The following GRM1 variants were observed in gnomAD, a reference collection of about 807,000 sequenced individuals.
GRM1 encodes glutamate metabotropic receptor 1.
Under a neutral mutation model 90.9 loss-of-function variants are expected in GRM1, and 33 were observed. The ratio of observed to expected loss-of-function variants is 0.36; its 90% CI spans 0.28 to 0.49. The LOEUF is 0.49. Ranked by LOEUF, GRM1 falls within the 20% of genes least tolerant of loss-of-function variation. The pLI is 0.99. For synonymous variants in GRM1, 700 were observed against 613.2 expected, an observed-to-expected ratio of 1.14 and a Z score of -2.09; for missense variants, 1,190 against 1,534.3, an observed-to-expected ratio of 0.78 and a Z score of 3.75.
chr6:146,104,496 TGAG>T (rs758218894), intron 1 of GRM1, among the ~76,000 whole-genome samples: 5 of 150,524 alleles, frequency 3.3e-5, no homozygotes, highest in Non-Finnish European at 7.4e-5. Flanking sequence ...ATGTGTAAAA[TGAG>T]GAGATAACGA....
At chr6:146,295,968 T>G (rs770768632) in intron 2 of GRM1, among the ~76,000 whole-genome samples, 5 of 152,188 alleles carry the variant, frequency 3.3e-5, no homozygotes, top group South Asian at 2.1e-4. Context: ...AGTGAGAACA[T>G]CCGGTATTTG....
chr6:146,357,790 G>T (rs558827511), intron 5 of GRM1, 96 bp downstream of exon 5: 1 of 995,284 alleles, frequency 1.0e-6, no homozygotes, highest in African/African-American at 1.6e-5. Flanking sequence ...AAACATAACT[G>T]TCTAGAAAGG....
intron 1 of GRM1, among the ~76,000 whole-genome samples, chr6:146,099,528 C>T (rs533941748): frequency 6.6e-6 from 1 of 152,308 alleles, no homozygotes; most frequent in Non-Finnish European, 1.5e-5. Flanking sequence ...CAGACTCATT[C>T]CTTTCCTCTA....
At chr6:146,388,901 T>C (rs1776607925) in intron 6 of GRM1, among the ~76,000 whole-genome samples, 1 of 152,098 alleles carries the variant, frequency 6.6e-6, no homozygotes, top group Non-Finnish European at 1.5e-5. Context: ...GTCAATGCAG[T>C]TGGTTAATAG....
intron 2 of GRM1, among the ~76,000 whole-genome samples, chr6:146,244,340 T>C (rs1381500264): frequency 6.6e-6 from 1 of 152,200 alleles, no homozygotes. Context: ...AAGTATTAAT[T>C]TGGGGAACTA....
intron 3 of GRM1, among the ~76,000 whole-genome samples, chr6:146,338,813 C>T (rs2268659): frequency 0.011 from 1,728 of 152,274 alleles, 71 homozygotes; most frequent in East Asian, 0.079. Context: ...GCCCCCTCCA[C>T]ACTCGGTATC....
chr6:146,401,794 A>C (rs1337673742), intron 7 of GRM1, among the ~76,000 whole-genome samples: 1 of 152,206 alleles, frequency 6.6e-6, no homozygotes, highest in Non-Finnish European at 1.5e-5. Flanking sequence ...TGCATTTTTG[A>C]AAGCTCTCCC....
intron 7 of GRM1, among the ~76,000 whole-genome samples, chr6:146,415,998 T>C (rs77081456): frequency 0.013 from 1,957 of 152,322 alleles, 48 homozygotes; most frequent in African/African-American, 0.045. Flanking sequence ...CTGACATTAG[T>C]ATAACTACTA....
chr6:146,029,282 C>G lies in GRM1; in HGVS notation c.-236C>G. The G allele has an allele frequency of 1.7e-6, 1 of 574,954 alleles. No homozygotes were observed. The highest frequency in any genetic ancestry group is 3.1e-6 in the Non-Finnish European group (1 of 321,486). 35.6% of individuals were successfully genotyped at this position (574,954 alleles called of 1,614,324 possible). A position where few individuals can be genotyped will look rare whatever the true frequency, so the allele number is the denominator to read the frequency against. On this transcript the variant is annotated 5_prime_UTR_variant, in exon 1 of 8. Coordinates refer to ENST00000282753, the MANE Select transcript of GRM1 (RefSeq NM_001278064.2). ...GCACTACCGGTGAAGAACGGGGACT[C>G]GAATTCCCTTACAAACGCCTCCAGC...
chr6:146,252,150 G>A (rs542363945), intron 2 of GRM1, among the ~76,000 whole-genome samples: 2 of 151,880 alleles, frequency 1.3e-5, no homozygotes, highest in East Asian at 1.9e-4. Flanking sequence ...TTTATTCACT[G>A]GTAAAGTGAA....
At position 146,264,164 on chromosome 6, in the gene GRM1, T is replaced by C. The variant is rs533099305; in HGVS notation, c.951-40447T>C. The stretch of plus-strand genomic sequence containing the variant: ...TTGCTGTATTTCTGAAATTCAGAGC[T>C]ACTATTAAAGAGAAAATACATTCAG... On this transcript the variant is annotated intron_variant, in intron 2 of 7. Coordinates refer to ENST00000282753, the MANE Select transcript of GRM1 (RefSeq NM_001278064.2). Among the ~76,000 whole-genome samples, 271 of 152,268 alleles carry C rather than the reference T, an allele frequency of 1.8e-3. 2 individuals carry two copies. The highest frequency in any genetic ancestry group is 6.0e-3 in the African/African-American group (248 of 41,578).
At chr6:146,146,571 A>T (rs1777115531) in intron 1 of GRM1, among the ~76,000 whole-genome samples, 1 of 152,138 alleles carries the variant, frequency 6.6e-6, no homozygotes, top group Non-Finnish European at 1.5e-5. Context: ...TTGTTTGAAC[A>T]TCCCCTCTGA....
At chr6:146,137,462 T>A (rs1161183622) in intron 1 of GRM1, among the ~76,000 whole-genome samples, 1 of 152,216 alleles carries the variant, frequency 6.6e-6, no homozygotes, top group African/African-American at 2.4e-5. Context: ...TTGTTAAAAA[T>A]AAGTTTATTG....
intron 3 of GRM1, among the ~76,000 whole-genome samples, chr6:146,339,512 A>T (rs1465537729): frequency 6.6e-6 from 1 of 152,198 alleles, no homozygotes; most frequent in Non-Finnish European, 1.5e-5. Flanking sequence ...ATCTTGAGTG[A>T]TAGCTTATAG....
intron 2 of GRM1, among the ~76,000 whole-genome samples, chr6:146,162,533 C>G (rs977261875): frequency 1.3e-5 from 2 of 152,158 alleles, no homozygotes; most frequent in Admixed American, 6.5e-5. Context: ...AGAATCGGAC[C>G]TCTTGGCCAT....
rs962757197 is a variant in GRM1 at position 146,437,324 on chromosome 6, A to C, written c.*2528A>C. On this transcript the variant is annotated 3_prime_UTR_variant, in exon 8 of 8. Transcript: ENST00000282753. ...TCTAAGACTTTTGGTGAACACGTTC[A>C]TTCAACTGTGATCACTTTATTACTC... is the stretch of plus-strand genomic sequence containing the variant. 6.6e-6 allele frequency: 1 copy of C among 152,606 alleles called. No homozygotes were observed. The highest frequency in any genetic ancestry group is 6.5e-5 in the Admixed American group (1 of 15,282). The allele number at this position is 152,606 out of a possible 1,614,324, so 9.5% of individuals were successfully genotyped here. A position where few individuals can be genotyped will look rare whatever the true frequency, so the allele number is the denominator to read the frequency against.
At chr6:146,353,048 C>A (rs1785462761) in intron 4 of GRM1, among the ~76,000 whole-genome samples, 1 of 152,068 alleles carries the variant, frequency 6.6e-6, no homozygotes, top group Non-Finnish European at 1.5e-5. Context: ...GGGATTGAGC[C>A]CCTATGGCTT....
At chr6:146,369,643 TA>T (rs1775825132) in intron 5 of GRM1, among the ~76,000 whole-genome samples, 1 of 152,044 alleles carries the variant, frequency 6.6e-6, no homozygotes, top group Admixed American at 6.6e-5. Context: ...TTACTCTTGT[TA>T]TTGATTTCTG....
chr6:146,078,700 A>G (rs1294241266), intron 1 of GRM1, among the ~76,000 whole-genome samples: 1 of 152,250 alleles, frequency 6.6e-6, no homozygotes, highest in East Asian at 1.9e-4. Context: ...GAATAATTTC[A>G]GCAGGAACTT....
Sources: gnomAD v4.1 joint callset for allele counts (sites outside exome capture counted in the v4.1 genomes callset) on GRCh38, gnomAD v4.1.1 for gene constraint, MANE v1.5 for transcripts, NCBI Gene and HGNC (gene_info 2026-07-23, HGNC 2026-07-21) for gene names.